The following NRG1 variants were observed in gnomAD, a reference collection of about 807,000 sequenced individuals.
NRG1 encodes the protein neuregulin 1, also known as pro-neuregulin-1, membrane-bound isoform.
A neutral mutation model predicts 63.8 loss-of-function variants in NRG1; 18 were observed. The observed-to-expected ratio is 0.28, with a 90% confidence interval of 0.19 to 0.42. NRG1 has a LOEUF of 0.42. NRG1 is among the 10% of genes least tolerant of loss of function. NRG1 has a pLI of 1.00. For missense variants in NRG1, 762 were observed against 814.7 expected (o/e 0.94, Z 0.79); for synonymous variants, 302 against 301.3 (o/e 1.00, Z -0.02).
At chr8:31,999,800 TTATAA>T (rs1191195537) in intron 1 of NRG1, among the ~76,000 whole-genome samples, 1 of 151,946 alleles carries the variant, frequency 6.6e-6, no homozygotes, top group Non-Finnish European at 1.5e-5. Context: ...TACAATATAA[TTATAA>T]TATAGGAAAA....
intron 1 of NRG1, among the ~76,000 whole-genome samples, chr8:32,517,261 C>G (rs1037451246): frequency 2.6e-5 from 4 of 151,900 alleles, no homozygotes; most frequent in African/African-American, 9.7e-5. Context: ...GAGTACTTAC[C>G]CACCTTCTTT....
intron 1 of NRG1, among the ~76,000 whole-genome samples, chr8:32,085,438 G>A (rs892783169): frequency 3.3e-5 from 5 of 152,138 alleles, no homozygotes; most frequent in Middle Eastern, 3.2e-3. Context: ...TAATTACACC[G>A]TTTGATGGCA....
At chr8:32,181,918 C>T (rs796162007) in intron 1 of NRG1, among the ~76,000 whole-genome samples, 4 of 151,856 alleles carry the variant, frequency 2.6e-5, no homozygotes, top group African/African-American at 9.6e-5. Context: ...TATAAATAAC[C>T]TTAACTAACA....
intron 1 of NRG1, among the ~76,000 whole-genome samples, chr8:31,797,200 T>A (rs1821310343): frequency 6.6e-6 from 1 of 152,224 alleles, no homozygotes; most frequent in Admixed American, 6.5e-5. Context: ...GACTTAACCA[T>A]TTTTATTGAT....
chr8:31,712,251 T>C (rs1266360624), intron 1 of NRG1, among the ~76,000 whole-genome samples: 1 of 139,194 alleles, frequency 7.2e-6, no homozygotes, highest in Admixed American at 8.0e-5. Context: ...TTCTTCTTCA[T>C]GATCTTTTTT....
At chr8:31,654,402 A>T (rs1805213801) in intron 1 of NRG1, among the ~76,000 whole-genome samples, 1 of 152,208 alleles carries the variant, frequency 6.6e-6, no homozygotes, top group South Asian at 2.1e-4. Context: ...TGTTATTGTT[A>T]TGCTGTCTTT....
chr8:31,771,400 T>C (rs1050618198), intron 1 of NRG1, among the ~76,000 whole-genome samples: 2 of 152,160 alleles, frequency 1.3e-5, no homozygotes, highest in Non-Finnish European at 1.5e-5. Context: ...TGGGTTTTTT[T>C]CCCCCAATTT....
At chr8:32,743,035 T>C (rs1826713317) in intron 7 of NRG1, 3 of 1,160,810 alleles carry the variant, frequency 2.6e-6, no homozygotes, top group Admixed American at 8.2e-5. Context: ...AATATGATAA[T>C]AAAGGCATTT....
At chr8:32,761,318 A>G (rs746411220) in intron 11 of NRG1, among the ~76,000 whole-genome samples, 45 of 152,152 alleles carry the variant, frequency 3.0e-4, no homozygotes, top group Non-Finnish European at 1.5e-4. Flanking sequence ...TTGACCATTT[A>G]CTAAAAGGTT....
At chr8:31,664,546 A>G (rs558409299) in intron 1 of NRG1, among the ~76,000 whole-genome samples, 2 of 152,368 alleles carry the variant, frequency 1.3e-5, no homozygotes, top group Admixed American at 1.3e-4. Context: ...CAACTTCTCT[A>G]TAATCTCTTA....
intron 1 of NRG1, among the ~76,000 whole-genome samples, chr8:32,180,149 A>G (rs1841277815): frequency 6.6e-6 from 1 of 152,096 alleles, no homozygotes; most frequent in Admixed American, 6.6e-5. Context: ...TTTTTAATAT[A>G]TTGCTTCCAG....
At chr8:32,344,524 C>G (rs1469043923) in intron 1 of NRG1, among the ~76,000 whole-genome samples, 2 of 150,730 alleles carry the variant, frequency 1.3e-5, no homozygotes, top group Non-Finnish European at 2.9e-5. Flanking sequence ...CCCGACTTCA[C>G]AAGCTCAGGT....
Position 31,684,573 on chromosome 8 carries a change from A to G in NRG1, c.37+45142A>G, listed in dbSNP as rs117134452. On this transcript the variant is annotated intron_variant, in intron 1 of 10. Coordinates refer to the NRG1 transcript ENST00000519301. Reference sequence around the variant, plus strand: ...GACTAATACAGGGACTCAGCAGTTTATTTTAGCACAAGGCTTCCAGGTGAT... The same window carrying G: ...GACTAATACAGGGACTCAGCAGTTTGTTTTAGCACAAGGCTTCCAGGTGAT... Among the ~76,000 whole-genome samples the G allele has an allele frequency of 0.013, 2,001 of 152,280 alleles. 62 individuals carry two copies. In the South Asian group the frequency reaches 0.14, roughly 11 times the overall value.
intron 1 of NRG1, among the ~76,000 whole-genome samples, chr8:31,893,702 C>CT (rs11422636): frequency 1 from 151,886 of 151,888 alleles, 75,942 homozygotes; most frequent in Non-Finnish European, 1. Flanking sequence ...TGGTCAATGT[C>CT]TTTAAAGGCT....
chr8:32,030,921 A>G (rs1319286946), intron 1 of NRG1, among the ~76,000 whole-genome samples: 1 of 152,216 alleles, frequency 6.6e-6, no homozygotes, highest in African/African-American at 2.4e-5. Context: ...CAGCCAGCAT[A>G]TAATACTAAC....
intron 1 of NRG1, among the ~76,000 whole-genome samples, chr8:32,006,198 C>A (rs1337098620): frequency 2.0e-5 from 3 of 152,022 alleles, no homozygotes; most frequent in Non-Finnish European, 4.4e-5. Flanking sequence ...GGACATAGAT[C>A]AGATTGCCTT....
chr8:32,654,441 C>G (rs1204085980), intron 5 of NRG1, among the ~76,000 whole-genome samples: 2 of 151,864 alleles, frequency 1.3e-5, no homozygotes, highest in African/African-American at 2.4e-5. Flanking sequence ...CCAGCCTGGC[C>G]AACATGGTGA....
chr8:31,708,594 C>T (rs796538018), intron 1 of NRG1, among the ~76,000 whole-genome samples: 3 of 151,040 alleles, frequency 2.0e-5, no homozygotes, highest in African/African-American at 7.3e-5. Context: ...TACAGGCGCC[C>T]GCCACTACGC....
At chr8:32,471,011 T>C (rs1587839344) in intron 1 of NRG1, among the ~76,000 whole-genome samples, 2 of 152,140 alleles carry the variant, frequency 1.3e-5, no homozygotes, top group African/African-American at 4.8e-5. Flanking sequence ...CTATGTTGCA[T>C]TTCTGGTCTT....
Sources: allele counts gnomAD v4.1 joint callset (sites outside exome capture counted in the v4.1 genomes callset), GRCh38; gene constraint gnomAD v4.1.1; transcripts MANE v1.5; gene names NCBI Gene and HGNC (gene_info 2026-07-23, HGNC 2026-07-21).